The following PCDHGA3 variants were observed in gnomAD, a reference collection of about 807,000 sequenced individuals.
The protein encoded by PCDHGA3 is protocadherin gamma subfamily A, 3, also known as protocadherin gamma-A3.
In PCDHGA3, 40 loss-of-function variants were observed where a neutral mutation model predicts 58.5. That is an observed-to-expected ratio of 0.68 (90% CI 0.53 to 0.89). The LOEUF is 0.89. PCDHGA3 is among the 40% of genes least tolerant of loss of function. The pLI is 0.00. For synonymous variants in PCDHGA3, 530 were observed against 525.7 expected, an observed-to-expected ratio of 1.01 and a Z score of -0.11; for missense variants, 1,223 against 1,195.9, an observed-to-expected ratio of 1.02 and a Z score of -0.33.
At chr5:141,423,123 A>C in intron 1 of PCDHGA3, 1 of 1,613,760 alleles carries the variant, frequency 6.2e-7, no homozygotes. Flanking sequence ...CAGCGCGGGC[A>C]CTGCTGGACA....
chr5:141,427,887 C>G, intron 1 of PCDHGA3: 1 of 1,565,908 alleles, frequency 6.4e-7, no homozygotes, highest in South Asian at 1.1e-5. Flanking sequence ...GGCCCACGAC[C>G]AGGGCTCGCC....
At position 141,487,665 on chromosome 5, in the gene PCDHGA3, G is replaced by C. The variant is rs373971935; in HGVS notation, c.2425-7142G>C. 2.1e-5 allele frequency: 34 copies of C among 1,612,724 alleles called. No homozygotes were observed. In the South Asian group the frequency reaches 3.4e-4, roughly 16 times the overall value. ...ATGCTTGAGGGTTATTCTGATCCAG[G>C]CATATGGCTAGGCCATGTCCTAGAG... On this transcript the variant is annotated intron_variant, in intron 1 of 3. Transcript: ENST00000253812. The surrounding 1 kb of genome is among the most constrained non-coding windows in gnomAD (Gnocchi z 5.0).
intron 1 of PCDHGA3, chr5:141,351,952 G>T (rs1205013199): frequency 1.2e-6 from 2 of 1,613,070 alleles, no homozygotes; most frequent in Middle Eastern, 1.7e-4. Context: ...CCGCGCTGGG[G>T]CCTGATGGCT....
chr5:141,422,513 G>T, intron 1 of PCDHGA3: 2 of 1,614,000 alleles, frequency 1.2e-6, no homozygotes, highest in Non-Finnish European at 1.7e-6. Context: ...ACAGACCAGG[G>T]AAGCCCGCCT....
At chr5:141,433,640 A>C (rs2097637476) in intron 1 of PCDHGA3, among the ~76,000 whole-genome samples, 2 of 152,138 alleles carry the variant, frequency 1.3e-5, no homozygotes, top group South Asian at 2.1e-4. Flanking sequence ...GTTTGAGACC[A>C]GCCTGACCAA....
At chr5:141,423,163 G>A (rs758720418) in intron 1 of PCDHGA3, 2 of 1,613,480 alleles carry the variant, frequency 1.2e-6, no homozygotes, top group South Asian at 2.2e-5. Context: ...CCTCGTGGTG[G>A]CCGTCCAGGA....
chr5:141,418,273 A>C, intron 1 of PCDHGA3: 1 of 1,614,082 alleles, frequency 6.2e-7, no homozygotes, highest in South Asian at 1.1e-5. Context: ...AAGATGAAAT[A>C]AACTTAGAAA....
chr5:141,344,966 T>C lies in PCDHGA3; in HGVS notation c.933T>C (p.Asp311=). 6.2e-7 allele frequency: 1 copy of C among 1,613,672 alleles called. No individual in the cohort carries two copies. Among genetic ancestry groups the C allele is most frequent in the Non-Finnish European group, 8.5e-7 (1 of 1,179,646 alleles). ...VSILKSLDYE[D]AMFYEIKIEA... The stretch of plus-strand genomic sequence containing the variant: ...TATTAAAAAGTCTAGATTATGAGGA[T>C]GCCATGTTCTATGAAATTAAAATTG... The change falls in exon 1 of 4, where the codon GAT becomes GAC. Residue 311 remains aspartate, a synonymous_variant. Coordinates refer to ENST00000253812, the MANE Select transcript of PCDHGA3 (RefSeq NM_018916.4).
At chr5:141,450,742 C>A (rs2098692216) in intron 1 of PCDHGA3, among the ~76,000 whole-genome samples, 1 of 152,118 alleles carries the variant, frequency 6.6e-6, no homozygotes, top group South Asian at 2.1e-4. Context: ...CCGCCTTGGC[C>A]TCCCAAAGTG....
In PCDHGA3 at chr5:141,489,493, G is replaced by C. The variant is rs1485293604; in HGVS notation, c.2425-5314G>C. 3 of 1,614,078 alleles carry C rather than the reference G, an allele frequency of 1.9e-6. No homozygotes were observed. The South Asian group carries it at 3.3e-5, about 18-fold the overall frequency. On this transcript the variant is annotated intron_variant, in intron 1 of 3. Coordinates refer to ENST00000253812, the MANE Select transcript of PCDHGA3 (RefSeq NM_018916.4). This position sits in a 1 kb window ranked among gnomAD's most constrained non-coding sequence, Gnocchi z 4.5. Reference sequence around the variant, plus strand: ...CCTGAGCTTGATGAGTGGTGCCCTGGCAGTGAATCAAAAGATTGACCGAGA... The same window carrying C: ...CCTGAGCTTGATGAGTGGTGCCCTGCCAGTGAATCAAAAGATTGACCGAGA...
At chr5:141,359,254 A>C (rs1276865273) in intron 1 of PCDHGA3, among the ~76,000 whole-genome samples, 3 of 152,162 alleles carry the variant, frequency 2.0e-5, no homozygotes, top group Non-Finnish European at 4.4e-5. Flanking sequence ...TTAAGCCATA[A>C]AATATAATTT....
intron 1 of PCDHGA3, chr5:141,350,778 A>G: frequency 1.2e-6 from 2 of 1,613,974 alleles, no homozygotes; most frequent in Non-Finnish European, 1.7e-6. Context: ...AACCCCAATC[A>G]ATACTTCTCT....
chr5:141,346,807 T>C (rs1164113856), intron 1 of PCDHGA3, among the ~76,000 whole-genome samples: 2 of 152,250 alleles, frequency 1.3e-5, no homozygotes, highest in African/African-American at 2.4e-5. Flanking sequence ...AACACAACAC[T>C]GGTTTGTATA....
intron 1 of PCDHGA3, among the ~76,000 whole-genome samples, chr5:141,438,325 A>C (rs1400796518): frequency 6.6e-6 from 1 of 151,948 alleles, no homozygotes; most frequent in African/African-American, 2.4e-5. Context: ...AATTTTTCTT[A>C]TACATGTCAT....
Position 141,383,322 on chromosome 5 carries a change from A to G in PCDHGA3, c.2424+36865A>G, listed in dbSNP as rs369432251. 6.8e-6 allele frequency: 11 copies of G among 1,613,876 alleles called. No homozygotes were observed. The African/African-American group carries it at 1.3e-4, about 20-fold the overall frequency. ...TCTTGACGGAAGAAATAAATGTAAA[A>G]ATAATGGAGAATACAGCTCCTGGGG... is the stretch of plus-strand genomic sequence containing the variant. On this transcript the variant is annotated intron_variant, in intron 1 of 3. Coordinates refer to ENST00000253812, the MANE Select transcript of PCDHGA3 (RefSeq NM_018916.4).
At chr5:141,370,770 A>G (rs1479523551) in intron 1 of PCDHGA3, 1 of 1,614,024 alleles carries the variant, frequency 6.2e-7, no homozygotes, top group South Asian at 1.1e-5. Context: ...GATCCAGGAT[A>G]TTAACGACAA....
chr5:141,384,913 T>C, intron 1 of PCDHGA3: 1 of 1,613,988 alleles, frequency 6.2e-7, no homozygotes, highest in Non-Finnish European at 8.5e-7. Context: ...CCCCGAAGTC[T>C]TGGCCGACCT....
At chr5:141,422,640 C>T in intron 1 of PCDHGA3, 1 of 1,612,590 alleles carries the variant, frequency 6.2e-7, no homozygotes, top group South Asian at 1.1e-5. Flanking sequence ...GGGGTGCCTC[C>T]ATCTTCTCAG....
rs750804901 is a variant in PCDHGA3 at position 141,476,422 on chromosome 5, C to G, written c.2425-18385C>G. On this transcript the variant is annotated intron_variant, in intron 1 of 3. Coordinates refer to ENST00000253812, the MANE Select transcript of PCDHGA3 (RefSeq NM_018916.4). The surrounding 1 kb of genome is among the most constrained non-coding windows in gnomAD (Gnocchi z 7.6). ...GAGAGGAGCTGTGTGGGACACTGCC[C>G]TCTTGCACTGTAACTCTGGAGTTGG... 17 of 1,614,026 alleles carry G rather than the reference C, an allele frequency of 1.1e-5. No individual in the cohort carries two copies. The highest frequency in any genetic ancestry group is 1.4e-5 in the Non-Finnish European group (17 of 1,180,030).
Sources: gnomAD v4.1 joint callset for allele counts (sites outside exome capture counted in the v4.1 genomes callset) on GRCh38, gnomAD v4.1.1 for gene constraint, Gnocchi (gnomAD v3.1) non-coding constraint, MANE v1.5 for transcripts, NCBI Gene and HGNC (gene_info 2026-07-23, HGNC 2026-07-21) for gene names.